Variants in ZFAT observed in about 807,000 individuals in gnomAD.
ZFAT encodes zinc finger and AT-hook domain containing.
A neutral mutation model predicts 117.7 loss-of-function variants in ZFAT; 64 were observed. The ratio of observed to expected loss-of-function variants is 0.54; its 90% CI spans 0.44 to 0.67. The LOEUF (loss-of-function observed/expected upper bound fraction) is 0.67, where lower values mean the gene tolerates loss of function less well. Ranked by LOEUF, ZFAT falls within the 30% of genes least tolerant of loss-of-function variation. ZFAT has a pLI of 0.00. For missense variants in ZFAT, 1,433 were observed against 1,584.5 expected (o/e 0.90, Z 1.62); for synonymous variants, 679 against 615.0 (o/e 1.10, Z -1.54).
At chr8:134,599,122 G>A (rs9644464) in intron 7 of ZFAT, 32,473 of 152,114 alleles carry the variant, frequency 0.21, 4,116 homozygotes, top group East Asian at 0.53. Context: ...ATGTAACAGC[G>A]GTTCCATGAA....
chr8:134,800,627 CT>C, the ZFAT span: 1 of 490,114 alleles, frequency 2.0e-6, no homozygotes, highest in Non-Finnish European at 4.3e-6. Flanking sequence ...GACTTAAACT[CT>C]TTACTAAGTT....
At chr8:134,822,690 A>G in the ZFAT span, among the ~76,000 whole-genome samples, 1 of 152,170 alleles carries the variant, frequency 6.6e-6, no homozygotes, top group African/African-American at 2.4e-5. Flanking sequence ...AGAATACTTT[A>G]TAAAATAACT....
chr8:134,816,027 T>C, the ZFAT span, among the ~76,000 whole-genome samples: 1 of 152,186 alleles, frequency 6.6e-6, no homozygotes. Flanking sequence ...TCTGGAACAG[T>C]GTCTGGCATA....
At position 134,622,328 on chromosome 8, in the gene ZFAT, A is replaced by C. The variant is rs138230815; in HGVS notation, c.449-11673T>G. ...CCCTAGCACATTAGCATACTTCTTT[A>C]TATTTCATTTCCTTTGGAAAAGACA... On this transcript the variant is annotated intron_variant, in intron 3 of 15. Transcript: ENST00000377838. Among the ~76,000 whole-genome samples the C allele has an allele frequency of 7.0e-3, 1,061 of 152,286 alleles. 14 individuals carry two copies. The highest frequency in any genetic ancestry group is 0.023 in the African/African-American group (967 of 41,562).
the ZFAT span, among the ~76,000 whole-genome samples, chr8:134,737,078 C>G: frequency 6.6e-6 from 1 of 151,962 alleles, no homozygotes; most frequent in Middle Eastern, 3.4e-3. Flanking sequence ...GTCAGGTGTT[C>G]GAGACCAGTC....
chr8:134,655,755 G>A (rs1185184784), intron 2 of ZFAT, among the ~76,000 whole-genome samples: 1 of 152,212 alleles, frequency 6.6e-6, no homozygotes, highest in Admixed American at 6.5e-5. Flanking sequence ...GCAAGAGCCA[G>A]TCTAGAAGTT....
At chr8:134,702,153 G>A (rs1023379866) in intron 1 of ZFAT, among the ~76,000 whole-genome samples, 3 of 152,160 alleles carry the variant, frequency 2.0e-5, no homozygotes, top group African/African-American at 7.2e-5. Flanking sequence ...GCAGCCCCTT[G>A]ACCTTGGCCT....
intron 12 of ZFAT, among the ~76,000 whole-genome samples, chr8:134,524,237 C>A (rs529127367): frequency 1.4e-4 from 22 of 152,308 alleles, no homozygotes; most frequent in Middle Eastern, 6.8e-3. Flanking sequence ...TGGTGCCGGT[C>A]TATCTTCCCC....
the ZFAT span, among the ~76,000 whole-genome samples, chr8:134,728,295 T>C: frequency 1.3e-5 from 2 of 151,842 alleles, no homozygotes; most frequent in African/African-American, 4.8e-5. Flanking sequence ...CTAGGTAGCA[T>C]GTACAGGGAA....
chr8:134,515,450 T>C (rs747753299), intron 13 of ZFAT, among the ~76,000 whole-genome samples: 9 of 152,232 alleles, frequency 5.9e-5, no homozygotes, highest in Non-Finnish European at 8.8e-5. Context: ...TTCCTATTTC[T>C]CCACATCCTC....
intron 11 of ZFAT, among the ~76,000 whole-genome samples, chr8:134,547,716 T>C (rs1200396137): frequency 6.6e-6 from 1 of 152,168 alleles, no homozygotes; most frequent in East Asian, 1.9e-4. Flanking sequence ...AAGAAAACAA[T>C]ACACTTACAG....
chr8:134,692,129 GC>G (rs1278934266), intron 1 of ZFAT, among the ~76,000 whole-genome samples: 1 of 152,132 alleles, frequency 6.6e-6, no homozygotes, highest in Non-Finnish European at 1.5e-5. Flanking sequence ...AAGCCACCGT[GC>G]CCGGCCTGAA....
At chr8:134,572,498 C>G (rs1274156599) in intron 10 of ZFAT, among the ~76,000 whole-genome samples, 1 of 152,188 alleles carries the variant, frequency 6.6e-6, no homozygotes, top group Non-Finnish European at 1.5e-5. Flanking sequence ...AGTTCACTGT[C>G]TTTTAAAAAA....
At chr8:134,728,044 T>C in the ZFAT span, among the ~76,000 whole-genome samples, 2 of 152,322 alleles carry the variant, frequency 1.3e-5, no homozygotes, top group African/African-American at 4.8e-5. Flanking sequence ...ATGTGAGTAA[T>C]GAGCAGAGGA....
At chr8:134,529,276 A>T (rs1443714597) in intron 12 of ZFAT, among the ~76,000 whole-genome samples, 2 of 152,158 alleles carry the variant, frequency 1.3e-5, no homozygotes, top group African/African-American at 4.8e-5. Flanking sequence ...TGAGCAAAAG[A>T]TTCATAAAGC....
At chr8:134,725,562 C>A in the ZFAT span, among the ~76,000 whole-genome samples, 6 of 152,140 alleles carry the variant, frequency 3.9e-5, no homozygotes, top group African/African-American at 1.4e-4. Context: ...AGGTATGGTG[C>A]CAAACCATTC....
chr8:134,730,967 G>A, the ZFAT span, among the ~76,000 whole-genome samples: 5 of 152,322 alleles, frequency 3.3e-5, no homozygotes, highest in Admixed American at 2.6e-4. Flanking sequence ...AAGATGAAAC[G>A]GTTGCCCCTT....
intron 7 of ZFAT, among the ~76,000 whole-genome samples, chr8:134,593,728 C>A (rs1025297598): frequency 7.9e-5 from 12 of 152,124 alleles, no homozygotes; most frequent in African/African-American, 2.7e-4. Context: ...CTTTAAAAAA[C>A]AAAGGTGGGG....
At chr8:134,829,705 A>G in the ZFAT span, among the ~76,000 whole-genome samples, 3 of 152,200 alleles carry the variant, frequency 2.0e-5, no homozygotes, top group Admixed American at 2.0e-4. Context: ...TTACACTTTT[A>G]AATGTCAAAT....
Sources: gnomAD v4.1 joint callset for allele counts (sites outside exome capture counted in the v4.1 genomes callset) on GRCh38, gnomAD v4.1.1 for gene constraint, MANE v1.5 for transcripts, NCBI Gene and HGNC (gene_info 2026-07-23, HGNC 2026-07-21) for gene names.